The following FAM135B variants were observed in gnomAD, a reference collection of about 807,000 sequenced individuals.
FAM135B encodes protein FAM135B.
Under a neutral mutation model 127.7 loss-of-function variants are expected in FAM135B, and 43 were observed. That is an observed-to-expected ratio of 0.34 (90% CI 0.26 to 0.43). The LOEUF is 0.43. Among genes scored for constraint, FAM135B ranks in the 20% least tolerant of loss-of-function variants. The pLI is 1.00. For missense variants in FAM135B, 1,558 were observed against 1,725.6 expected, an observed-to-expected ratio of 0.90 and a Z score of 1.72; for synonymous variants, 670 against 665.1, an observed-to-expected ratio of 1.01 and a Z score of -0.11.
intron 1 of FAM135B, among the ~76,000 whole-genome samples, chr8:138,406,264 T>G (rs1366877977): frequency 6.6e-6 from 1 of 152,130 alleles, no homozygotes; most frequent in African/African-American, 2.4e-5. Flanking sequence ...GTGGCAATAA[T>G]CAATAGCTTA....
chr8:138,260,003 C>G (rs886770144), intron 4 of FAM135B, among the ~76,000 whole-genome samples: 1 of 152,106 alleles, frequency 6.6e-6, no homozygotes, highest in Admixed American at 6.5e-5. Context: ...TTTGCAGGAG[C>G]CAGAAAGATT....
At chr8:138,344,423 G>A (rs186493837) in intron 2 of FAM135B, among the ~76,000 whole-genome samples, 21 of 152,154 alleles carry the variant, frequency 1.4e-4, no homozygotes, top group East Asian at 1.4e-3. Context: ...CCTCGGGGTT[G>A]CACGACTGCC....
chr8:138,374,013 G>C (rs1831310409), intron 1 of FAM135B, among the ~76,000 whole-genome samples: 1 of 152,040 alleles, frequency 6.6e-6, no homozygotes, highest in Non-Finnish European at 1.5e-5. Context: ...CTATTACCTT[G>C]TGAAGCATGT....
chr8:138,425,334 C>T (rs767441825), intron 1 of FAM135B: 3 of 152,132 alleles, frequency 2.0e-5, no homozygotes, highest in Non-Finnish European at 4.4e-5. Flanking sequence ...AGAAGCAGGA[C>T]CAGATCTCAA....
intron 12 of FAM135B, among the ~76,000 whole-genome samples, chr8:138,161,781 C>T (rs191047364): frequency 6.6e-6 from 1 of 152,316 alleles, no homozygotes; most frequent in East Asian, 1.9e-4. Flanking sequence ...CCACGACCTA[C>T]CGCAAGTTAG....
chr8:138,355,339 A>C (rs930430545), intron 2 of FAM135B, among the ~76,000 whole-genome samples: 2 of 152,176 alleles, frequency 1.3e-5, no homozygotes, highest in South Asian at 4.1e-4. Flanking sequence ...ACAATGATAG[A>C]CTGGATTAAG....
At chr8:138,484,053 A>T (rs1366368850) in intron 1 of FAM135B, among the ~76,000 whole-genome samples, 2 of 152,212 alleles carry the variant, frequency 1.3e-5, no homozygotes, top group Non-Finnish European at 2.9e-5. Flanking sequence ...AAGGATGAAC[A>T]CCTAATATTT....
At chr8:138,428,253 T>C (rs1207537056) in intron 1 of FAM135B, among the ~76,000 whole-genome samples, 1 of 152,160 alleles carries the variant, frequency 6.6e-6, no homozygotes, top group Non-Finnish European at 1.5e-5. Flanking sequence ...GTTGACTAAG[T>C]AATACATAGA....
At chr8:138,301,450 A>C (rs1825881838) in intron 3 of FAM135B, among the ~76,000 whole-genome samples, 1 of 152,100 alleles carries the variant, frequency 6.6e-6, no homozygotes, top group Admixed American at 6.6e-5. Flanking sequence ...CTTTCTACCT[A>C]AACAGCCTAT....
chr8:138,441,164 T>C (rs549499097), intron 1 of FAM135B: 1 of 152,162 alleles, frequency 6.6e-6, no homozygotes, highest in Non-Finnish European at 1.5e-5. Context: ...GGATGGATAT[T>C]TTTTACAGCA....
intron 1 of FAM135B, among the ~76,000 whole-genome samples, chr8:138,425,978 T>TAC (rs1563992197): frequency 1.0e-4 from 1 of 9,630 alleles, no homozygotes; most frequent in African/African-American, 1.3e-3. Flanking sequence ...TATATATATA[T>TAC]ATATATATAT....
intron 9 of FAM135B, among the ~76,000 whole-genome samples, chr8:138,180,417 C>G (rs767066393): frequency 6.6e-6 from 1 of 152,214 alleles, no homozygotes; most frequent in Non-Finnish European, 1.5e-5. Context: ...ACAGCCATAG[C>G]CACATCCAAT....
At chr8:138,449,111 T>C (rs1416017753) in intron 1 of FAM135B, among the ~76,000 whole-genome samples, 1 of 152,154 alleles carries the variant, frequency 6.6e-6, no homozygotes, top group Non-Finnish European at 1.5e-5. Flanking sequence ...CAATGTAAAA[T>C]TATCTGAGTA....
At chr8:138,468,529 A>G (rs918722041) in intron 1 of FAM135B, among the ~76,000 whole-genome samples, 4 of 152,188 alleles carry the variant, frequency 2.6e-5, no homozygotes, top group African/African-American at 9.6e-5. Flanking sequence ...CTTTTTGAAT[A>G]GGGTGTTGCA....
intron 3 of FAM135B, among the ~76,000 whole-genome samples, chr8:138,272,014 A>G (rs1312571349): frequency 6.7e-6 from 1 of 149,508 alleles, no homozygotes; most frequent in African/African-American, 2.5e-5. Flanking sequence ...TTTTTTTTTT[A>G]ATTTTACTCC....
At chr8:138,346,588 G>A (rs539550936) in intron 2 of FAM135B, among the ~76,000 whole-genome samples, 8 of 152,244 alleles carry the variant, frequency 5.3e-5, no homozygotes, top group Admixed American at 2.6e-4. Context: ...GACATCACAC[G>A]TTCTCACTTA....
At chr8:138,179,438 GC>G (rs1814795308) in intron 9 of FAM135B, among the ~76,000 whole-genome samples, 1 of 152,126 alleles carries the variant, frequency 6.6e-6, no homozygotes, top group Admixed American at 6.5e-5. Context: ...AGTTACTGTG[GC>G]CATCCAATTA....
At chr8:138,231,207 T>C (rs919783530) in intron 7 of FAM135B, among the ~76,000 whole-genome samples, 1 of 151,942 alleles carries the variant, frequency 6.6e-6, no homozygotes, top group African/African-American at 2.4e-5. Flanking sequence ...TTTTAGTAGA[T>C]ACAGGGTTTT....
intron 3 of FAM135B, among the ~76,000 whole-genome samples, chr8:138,272,048 A>G (rs941458864): frequency 6.6e-6 from 1 of 151,308 alleles, no homozygotes; most frequent in Non-Finnish European, 1.5e-5. Flanking sequence ...TCATTCATTC[A>G]TTATTTAACT....
Sources: allele counts gnomAD v4.1 joint callset (sites outside exome capture counted in the v4.1 genomes callset), GRCh38; gene constraint gnomAD v4.1.1; transcripts MANE v1.5; gene names NCBI Gene and HGNC (gene_info 2026-07-23, HGNC 2026-07-21).